CHODL: variants seen among roughly 807,000 people sequenced by gnomAD.
CHODL encodes chondrolectin, also known as transmembrane protein MT75.
Under a neutral mutation model 34.5 loss-of-function variants are expected in CHODL, and 29 were observed. The observed-to-expected ratio is 0.84, with a 90% CI of 0.63 to 1.15. The LOEUF (loss-of-function observed/expected upper bound fraction) is 1.15, where lower values mean the gene tolerates loss of function less well. Ranked by LOEUF, CHODL falls within the 50% of genes most tolerant of loss-of-function variation. The probability of loss-of-function intolerance (pLI) is 0.00; values close to 1 mark genes in which losing one functional copy is unlikely to be tolerated. For missense variants in CHODL, 332 were observed against 332.5 expected, an observed-to-expected ratio of 1.00 and a Z score of 0.01; for synonymous variants, 125 against 116.1, an observed-to-expected ratio of 1.08 and a Z score of -0.49.
At chr21:18,115,949 G>C (rs1040627192) in intron 2 of CHODL, among the ~76,000 whole-genome samples, 1 of 151,804 alleles carries the variant, frequency 6.6e-6, no homozygotes, top group Non-Finnish European at 1.5e-5. Flanking sequence ...AGTGGCATTG[G>C]ATTTTTTTTT....
At chr21:18,015,069 G>T (rs533128753) in intron 1 of CHODL, among the ~76,000 whole-genome samples, 1 of 152,294 alleles carries the variant, frequency 6.6e-6, no homozygotes, top group Admixed American at 6.5e-5. Context: ...TATACAAAAT[G>T]CTGATAGTGA....
intron 1 of CHODL, among the ~76,000 whole-genome samples, chr21:17,965,363 T>A (rs2063563449): frequency 6.6e-6 from 1 of 152,182 alleles, no homozygotes; most frequent in Non-Finnish European, 1.5e-5. Context: ...CTCTATCTCA[T>A]CTTTTCACAA....
At chr21:17,953,133 C>T (rs771868450) in intron 1 of CHODL, among the ~76,000 whole-genome samples, 1 of 152,156 alleles carries the variant, frequency 6.6e-6, no homozygotes, top group Non-Finnish European at 1.5e-5. Flanking sequence ...ATAAGATTTA[C>T]ATACTGAAGT....
At chr21:17,949,083 T>G (rs1484497156) in intron 1 of CHODL, among the ~76,000 whole-genome samples, 1 of 152,188 alleles carries the variant, frequency 6.6e-6, no homozygotes, top group Non-Finnish European at 1.5e-5. Flanking sequence ...ACCAGTTTTA[T>G]GGGCCCCTGA....
chr21:18,234,711 T>A (rs1176402972), intron 2 of CHODL, among the ~76,000 whole-genome samples: 1 of 151,922 alleles, frequency 6.6e-6, no homozygotes, highest in Non-Finnish European at 1.5e-5. Flanking sequence ...AAGAAGGGGG[T>A]AGAACAAAAC....
chr21:17,923,420 A>G (rs2063198401), intron 1 of CHODL, among the ~76,000 whole-genome samples: 1 of 150,844 alleles, frequency 6.6e-6, no homozygotes, highest in African/African-American at 2.4e-5. Context: ...TTCCCACAAG[A>G]TCTCAGAGGA....
intron 1 of CHODL, among the ~76,000 whole-genome samples, chr21:17,978,568 A>G (rs2063687701): frequency 6.6e-6 from 1 of 151,016 alleles, no homozygotes; most frequent in Non-Finnish European, 1.5e-5. Flanking sequence ...AATACAAAAA[A>G]TTAGCTGGGC....
At chr21:18,209,597 C>A (rs1014727117) in intron 2 of CHODL, among the ~76,000 whole-genome samples, 1 of 152,144 alleles carries the variant, frequency 6.6e-6, no homozygotes, top group Non-Finnish European at 1.5e-5. Flanking sequence ...CTGAAGGACA[C>A]TCTCCACATA....
chr21:17,930,061 C>G (rs2063259656), intron 1 of CHODL, among the ~76,000 whole-genome samples: 1 of 152,038 alleles, frequency 6.6e-6, no homozygotes, highest in Non-Finnish European at 1.5e-5. Context: ...GCAGTCTGCC[C>G]TGGGGATCCT....
At position 17,928,224 on chromosome 21, in the gene CHODL, G is replaced by T. The variant is rs143585281; in HGVS notation, c.-145+10824G>T. ...TGACATTTACTGCACAGTATAAAAAGAATAAACTATACTCTTGTCTTCAAT... is the reference window on the plus strand; with the variant it reads ...TGACATTTACTGCACAGTATAAAAATAATAAACTATACTCTTGTCTTCAAT... On this transcript the variant is annotated intron_variant, in intron 1 of 6. Coordinates refer to the CHODL transcript ENST00000400127. 7.6e-3 allele frequency among the ~76,000 whole-genome samples: 1,164 copies of T among 152,248 alleles called. 19 individuals carry two copies. The highest frequency in any genetic ancestry group is 0.026 in the African/African-American group (1,083 of 41,558).
intron 2 of CHODL, among the ~76,000 whole-genome samples, chr21:18,207,054 G>T (rs374050233): frequency 6.6e-6 from 1 of 151,882 alleles, no homozygotes; most frequent in Non-Finnish European, 1.5e-5. Context: ...CCCCTGACAG[G>T]CCCTGGTGTG....
chr21:18,008,205 T>A (rs567082331), intron 1 of CHODL, among the ~76,000 whole-genome samples: 24 of 152,202 alleles, frequency 1.6e-4, no homozygotes, highest in Non-Finnish European at 3.2e-4. Flanking sequence ...AGTGCACACG[T>A]TGAGTGTATA....
intron 2 of CHODL, among the ~76,000 whole-genome samples, chr21:18,113,296 A>G (rs1349317817): frequency 6.6e-6 from 1 of 151,840 alleles, no homozygotes; most frequent in Admixed American, 6.6e-5. Flanking sequence ...ATTCTTGCAC[A>G]CTGTTGGTGG....
intron 2 of CHODL, among the ~76,000 whole-genome samples, chr21:18,182,360 G>C (rs1046648853): frequency 1.1e-4 from 17 of 152,178 alleles, no homozygotes; most frequent in Non-Finnish European, 7.3e-5. Flanking sequence ...TAAGGCCTGT[G>C]CTCTTTCTCC....
chr21:18,021,819 AC>A (rs5842673), intron 1 of CHODL, among the ~76,000 whole-genome samples: 152,272 of 152,272 alleles, frequency 1, 76,136 homozygotes, highest in Non-Finnish European at 1. Context: ...GGAAAAGAGA[AC>A]CCAAGTCATT....
Position 18,245,252 on chromosome 21 carries a change from G to A in CHODL, c.29G>A (p.Gly10Asp), listed in dbSNP as rs1231587967. 1.3e-6 allele frequency: 2 copies of A among 1,523,838 alleles called. No homozygotes were observed. Among genetic ancestry groups the A allele is most frequent in the East Asian group, 2.5e-5 (1 of 39,334 alleles). The allele number at this position is 1,523,838 out of a possible 1,614,324, so 94.4% of individuals were successfully genotyped here. The change falls in exon 1 of 6, where the codon GGC becomes GAC. Residue 10 changes from glycine to aspartate, a missense_variant. By Grantham distance (94) the Gly-to-Asp change is moderately conservative. Transcript: ENST00000299295. ...AGCCGCGTGGTCTCGCTGCTGCTGG[G>A]CGCCGCGCTGCTCTGCGGCCACGGA... MSRVVSLLL[G>D]AALLCGHGAF...
intron 2 of CHODL, among the ~76,000 whole-genome samples, chr21:18,031,156 C>G (rs2064243540): frequency 6.6e-6 from 1 of 152,028 alleles, no homozygotes; most frequent in South Asian, 2.1e-4. Context: ...AGATGTGAAG[C>G]CCCTGGTGAA....
chr21:18,156,246 C>G (rs2073033583), intron 2 of CHODL, among the ~76,000 whole-genome samples: 1 of 152,150 alleles, frequency 6.6e-6, no homozygotes, highest in Non-Finnish European at 1.5e-5. Context: ...AAAGTAGCTA[C>G]AGTTGAAAAT....
rs959649052 is a variant in CHODL at position 17,962,383 on chromosome 21, A to G, written c.-145+44983A>G. ...TAGATGAGAGGTCAGGTTTTAATGT[A>G]TACACAGTTTTGGTCTGAAAGGCAG... On this transcript the variant is annotated intron_variant, in intron 1 of 6. Transcript: ENST00000400127. 2.0e-5 allele frequency among the ~76,000 whole-genome samples: 3 copies of G among 152,208 alleles called. No individual in the cohort carries two copies. In the East Asian group the frequency reaches 5.8e-4, roughly 29 times the overall value.
Sources: allele counts gnomAD v4.1 joint callset (sites outside exome capture counted in the v4.1 genomes callset), GRCh38; gene constraint gnomAD v4.1.1; transcripts MANE v1.5; gene names NCBI Gene and HGNC (gene_info 2026-07-23, HGNC 2026-07-21).